DAB1: variants seen among roughly 807,000 people sequenced by gnomAD.
DAB1 encodes DAB adaptor protein 1.
Under a neutral mutation model 64.6 loss-of-function variants are expected in DAB1, and 15 were observed. The observed-to-expected ratio is 0.23, with a 90% CI of 0.16 to 0.36. The LOEUF (loss-of-function observed/expected upper bound fraction) is 0.36. Ranked by LOEUF, DAB1 falls within the 10% of genes least tolerant of loss-of-function variation. The pLI is 1.00. For synonymous variants in DAB1, 235 were observed against 251.9 expected (o/e 0.93, Z 0.64); for missense variants, 596 against 706.7 (o/e 0.84, Z 1.78).
chr1:57,169,559 C>T (rs902484051), intron 2 of DAB1, among the ~76,000 whole-genome samples: 1 of 152,178 alleles, frequency 6.6e-6, no homozygotes, highest in Admixed American at 6.5e-5. Flanking sequence ...TTTCATCAGG[C>T]CTCTGAAACT....
chr1:57,630,050 A>C (rs1352092996), intron 7 of DAB1, among the ~76,000 whole-genome samples: 1 of 152,176 alleles, frequency 6.6e-6, no homozygotes, highest in Non-Finnish European at 1.5e-5. Context: ...ATTTCTTGAG[A>C]TATCCCTTCC....
chr1:58,132,503 A>T lies in DAB1; in HGVS notation n.387+18008T>A, dbSNP rs547200498. ...CCTCCCCCCGGGGCCAATCTTTTTC[A>T]AAACATCAGTCTTAAAAGTAGGTTG... On this transcript the variant is annotated intron_variant and non_coding_transcript_variant, in intron 5 of 20. Transcript: ENST00000485760. Among the ~76,000 whole-genome samples the T allele has an allele frequency of 2.6e-5, 4 of 152,166 alleles. No individual in the cohort carries two copies. In the East Asian group the frequency reaches 7.8e-4, roughly 29 times the overall value.
intron 9 of DAB1, among the ~76,000 whole-genome samples, chr1:57,041,558 C>T (rs773885563): frequency 5.3e-5 from 8 of 152,176 alleles, no homozygotes; most frequent in African/African-American, 1.2e-4. Context: ...GAATTAGACT[C>T]GATTACTATC....
rs528604588 is a variant in DAB1 at position 58,455,888 on chromosome 1, T to C, written n.257+50172A>G. On this transcript the variant is annotated intron_variant and non_coding_transcript_variant, in intron 3 of 20. Transcript: ENST00000485760. ...TGTGAGGTCAATCAGATCAGAAAAA[T>C]GTCCCCAAAGGGATAGCTCTTCATC... Among the ~76,000 whole-genome samples the C allele has an allele frequency of 5.8e-4, 89 of 152,234 alleles. 1 individual carries two copies. In the South Asian group the frequency reaches 0.017, roughly 30 times the overall value.
intron 9 of DAB1, among the ~76,000 whole-genome samples, chr1:57,047,704 G>C (rs538761643): frequency 6.6e-6 from 1 of 152,280 alleles, no homozygotes; most frequent in South Asian, 2.1e-4. Context: ...TGTTATGGCA[G>C]CCCAAGTGGA....
intron 9 of DAB1, among the ~76,000 whole-genome samples, chr1:57,038,466 G>A (rs1426295987): frequency 6.6e-6 from 1 of 152,148 alleles, no homozygotes; most frequent in Non-Finnish European, 1.5e-5. Flanking sequence ...ACTGAGATTT[G>A]GGGATCGGTG....
At chr1:57,710,553 G>A (rs570717188) in intron 6 of DAB1, among the ~76,000 whole-genome samples, 2 of 152,184 alleles carry the variant, frequency 1.3e-5, no homozygotes, top group African/African-American at 4.8e-5. Flanking sequence ...TTTTCCCAAA[G>A]TTGACTTAAA....
chr1:57,912,594 G>A (rs1269476244), intron 5 of DAB1, among the ~76,000 whole-genome samples: 1 of 152,120 alleles, frequency 6.6e-6, no homozygotes, highest in Non-Finnish European at 1.5e-5. Flanking sequence ...TCTGGCCAGG[G>A]CAATCAGGCA....
intron 3 of DAB1, among the ~76,000 whole-genome samples, chr1:58,456,168 G>A (rs1645191327): frequency 6.6e-6 from 1 of 152,258 alleles, no homozygotes. Context: ...GGGTAACACT[G>A]TAAGGGAAGG....
At chr1:57,552,259 T>G (rs919744277) in intron 7 of DAB1, among the ~76,000 whole-genome samples, 1 of 152,214 alleles carries the variant, frequency 6.6e-6, no homozygotes, top group Admixed American at 6.5e-5. Flanking sequence ...AAGGCTAACT[T>G]AAATCCAGTT....
chr1:58,056,908 C>A (rs1306917901), intron 5 of DAB1, among the ~76,000 whole-genome samples: 3 of 151,924 alleles, frequency 2.0e-5, no homozygotes, highest in Admixed American at 6.6e-5. Flanking sequence ...CTCCCTCACC[C>A]ACACCGTCCA....
At chr1:57,614,868 CTTTTTTTTTTTTTT>C (rs34907824) in intron 7 of DAB1, among the ~76,000 whole-genome samples, 1 of 38,742 alleles carries the variant, frequency 2.6e-5, no homozygotes, top group African/African-American at 5.9e-5. Flanking sequence ...TTCTTTCTTT[CTTTTTTTTTTTTTT>C]TTTTTTGAGA....
chr1:58,334,455 A>G (rs1663051581), intron 4 of DAB1, among the ~76,000 whole-genome samples: 1 of 151,934 alleles, frequency 6.6e-6, no homozygotes, highest in Non-Finnish European at 1.5e-5. Context: ...TAAACCATAC[A>G]TACTGTCATA....
At chr1:57,651,139 C>T (rs1570706199) in intron 6 of DAB1, among the ~76,000 whole-genome samples, 1 of 151,348 alleles carries the variant, frequency 6.6e-6, no homozygotes, top group East Asian at 1.9e-4. Context: ...AGCAATTTTT[C>T]AGAGCAGTCA....
chr1:57,621,975 A>C (rs1444235322), intron 7 of DAB1, among the ~76,000 whole-genome samples: 1 of 152,202 alleles, frequency 6.6e-6, no homozygotes, highest in Non-Finnish European at 1.5e-5. Context: ...TCCAGACTCA[A>C]ATGCCCTGAG....
chr1:57,583,290 C>CTTTTTTTTTTTT (rs34464140), intron 7 of DAB1, among the ~76,000 whole-genome samples: 4 of 136,356 alleles, frequency 2.9e-5, no homozygotes, highest in South Asian at 4.8e-4. Flanking sequence ...TTTTTCTTTT[C>CTTTTTTTTTTTT]TTTTTTTTTT....
At chr1:58,210,736 G>A (rs551967940) in intron 4 of DAB1, among the ~76,000 whole-genome samples, 7 of 152,102 alleles carry the variant, frequency 4.6e-5, no homozygotes, top group Non-Finnish European at 1.0e-4. Flanking sequence ...CTTGTATTGA[G>A]TACATGGAAT....
intron 5 of DAB1, among the ~76,000 whole-genome samples, chr1:58,017,091 C>T (rs1387670797): frequency 1.3e-5 from 2 of 152,050 alleles, no homozygotes; most frequent in African/African-American, 4.8e-5. Flanking sequence ...TCTGTCCTCA[C>T]ATGAAAGCCC....
At chr1:57,441,512 A>G (rs371154356) in intron 7 of DAB1, among the ~76,000 whole-genome samples, 4 of 151,152 alleles carry the variant, frequency 2.6e-5, no homozygotes, top group Admixed American at 6.6e-5. Context: ...ACACCACCAC[A>G]CCTGCCTAAT....
Sources: allele counts gnomAD v4.1 joint callset (sites outside exome capture counted in the v4.1 genomes callset), GRCh38; gene constraint gnomAD v4.1.1; transcripts MANE v1.5; gene names NCBI Gene and HGNC (gene_info 2026-07-23, HGNC 2026-07-21).